Variants in CIBAR1 observed in about 807,000 individuals in gnomAD.
CIBAR1 encodes CBY1-interacting BAR domain-containing protein 1.
A neutral mutation model predicts 44.0 loss-of-function variants in CIBAR1; 25 were observed. The ratio of observed to expected loss-of-function variants is 0.57; its 90% confidence interval spans 0.41 to 0.79. The LOEUF is 0.79. Among genes scored for constraint, CIBAR1 ranks in the 30% least tolerant of loss-of-function variants. The pLI is 0.00. For missense variants in CIBAR1, 278 were observed against 344.8 expected (o/e 0.81, Z 1.53); for synonymous variants, 115 against 119.0 (o/e 0.97, Z 0.22).
chr8:93,719,244 T>C (rs892484170), intron 7 of CIBAR1, among the ~76,000 whole-genome samples: 2 of 152,246 alleles, frequency 1.3e-5, no homozygotes, highest in Non-Finnish European at 2.9e-5. Context: ...ATTTTCCATT[T>C]ATTTTCAATT....
chr8:93,708,504 A>G (rs1002321592), intron 5 of CIBAR1, among the ~76,000 whole-genome samples: 3 of 152,220 alleles, frequency 2.0e-5, no homozygotes, highest in Admixed American at 2.0e-4. Context: ...AAATAGCCCC[A>G]TATGGCTAGT....
chr8:93,724,589 G>A, intron 7 of CIBAR1: 3 of 1,271,022 alleles, frequency 2.4e-6, no homozygotes, highest in Non-Finnish European at 3.1e-6. Context: ...GCCTCCCAAA[G>A]TGTCAGGTGA....
rs970331050 is a variant in CIBAR1, at chr8:93,724,642, G to A, written c.658-1752G>A. On this transcript the variant is annotated intron_variant, in intron 7 of 8. Transcript: ENST00000518322. Reference sequence around the variant, plus strand: ...CCCAGGCTTATAGTTTGGTCTTCTAGGTAAAAGATAATGTCTTTCATTGTA... The same window carrying A: ...CCCAGGCTTATAGTTTGGTCTTCTAAGTAAAAGATAATGTCTTTCATTGTA... The A allele has an allele frequency of 6.7e-6, 8 of 1,193,120 alleles. No individual in the cohort carries two copies. In the East Asian group the frequency reaches 4.8e-4, roughly 72 times the overall value. 73.9% of individuals were successfully genotyped at this position (1,193,120 alleles called of 1,614,324 possible).
In CIBAR1 at chr8:93,730,972, G is replaced by T. The variant is rs1293554209; in HGVS notation, c.*2675G>T. 1 of 152,168 alleles carries T rather than the reference G, an allele frequency of 6.6e-6. No individual in the cohort carries two copies. The highest frequency in any genetic ancestry group is 1.5e-5 in the Non-Finnish European group (1 of 68,072). 9.4% of individuals were successfully genotyped at this position (152,168 alleles called of 1,614,324 possible). A position where few individuals can be genotyped will look rare whatever the true frequency, so the allele number is the denominator to read the frequency against. On this transcript the variant is annotated 3_prime_UTR_variant, in exon 9 of 9. Coordinates refer to ENST00000518322, the MANE Select transcript of CIBAR1 (RefSeq NM_145269.5). ...GGCCAGAAATTTGAGAACAGCCTGG[G>T]CAACACAGTGAGACTCTGTCTCTAC...
intron 6 of CIBAR1, among the ~76,000 whole-genome samples, chr8:93,710,836 C>CAAAA (rs35465241): frequency 8.3e-6 from 1 of 120,594 alleles, no homozygotes; most frequent in Admixed American, 8.8e-5. Context: ...GACTCTGACT[C>CAAAA]AAAAAAAAAA....
At chr8:93,702,478 A>G (rs1181863930) in intron 2 of CIBAR1, 3 of 454,264 alleles carry the variant, frequency 6.6e-6, no homozygotes, top group Non-Finnish European at 1.3e-5. Flanking sequence ...ATTGATTTGC[A>G]TTTGTTCTCC....
At position 93,731,365 on chromosome 8, in the gene CIBAR1, C is replaced by G. The variant is rs35309343; in HGVS notation, c.*3068C>G. ...CAAAATGGGTGACCAAATGAACCAT[C>G]TATACAATCTTTGCTCAATTAAAAA... On this transcript the variant is annotated 3_prime_UTR_variant, in exon 9 of 9. Coordinates refer to ENST00000518322, the MANE Select transcript of CIBAR1 (RefSeq NM_145269.5). The G allele has an allele frequency of 6.6e-6, 1 of 152,168 alleles. No individual in the cohort carries two copies. Among genetic ancestry groups the G allele is most frequent in the Admixed American group, 6.5e-5 (1 of 15,282 alleles). 9.4% of individuals were successfully genotyped at this position (152,168 alleles called of 1,614,324 possible). A position where few individuals can be genotyped will look rare whatever the true frequency, so the allele number is the denominator to read the frequency against.
chr8:93,703,070 A>G (rs1418678730), intron 2 of CIBAR1, among the ~76,000 whole-genome samples: 1 of 152,214 alleles, frequency 6.6e-6, no homozygotes, highest in African/African-American at 2.4e-5. Flanking sequence ...TGAAACATAC[A>G]GTTTGACAGC....
At chr8:93,707,924 G>A (rs1421519487) in intron 4 of CIBAR1, 87 bp from the exon 5 acceptor site, 6 of 811,776 alleles carry the variant, frequency 7.4e-6, no homozygotes, top group Middle Eastern at 3.1e-4. Flanking sequence ...AATTGTAAGT[G>A]TATATAATTC....
In CIBAR1 at chr8:93,700,623, G is replaced by C. The variant is rs938456923; in HGVS notation, c.-25G>C. 6 of 1,483,518 alleles carry C rather than the reference G, an allele frequency of 4.0e-6. No homozygotes were observed. In the African/African-American group the frequency reaches 8.8e-5, roughly 22 times the overall value. The allele number at this position is 1,483,518 out of a possible 1,614,324, so 91.9% of individuals were successfully genotyped here. A position where few individuals can be genotyped will look rare whatever the true frequency, so the allele number is the denominator to read the frequency against. On this transcript the variant is annotated 5_prime_UTR_variant, in exon 1 of 9. Coordinates refer to ENST00000518322, the MANE Select transcript of CIBAR1 (RefSeq NM_145269.5). ...AATCCCCGTCCTTGGGCCCCCGCAA[G>C]GTCCCCGGCCGTGCGCGAGGCAGCA...
chr8:93,704,882 T>G (rs1245544615), intron 3 of CIBAR1, 27 bp from the exon 4 acceptor site: 1 of 1,464,742 alleles, frequency 6.8e-7, no homozygotes. Flanking sequence ...CAGACATTTT[T>G]ACTAACAAAA....
chr8:93,727,224 T>C (rs768040534), intron 8 of CIBAR1: 16 of 1,269,070 alleles, frequency 1.3e-5, no homozygotes, highest in Non-Finnish European at 1.6e-5. Flanking sequence ...AACAAACTTA[T>C]TTTCAAGATA....
Position 93,718,659 on chromosome 8 carries a change from C to G in CIBAR1, c.544-16C>G. On this transcript the variant is annotated splice_polypyrimidine_tract_variant and intron_variant, in intron 6 of 8. Transcript: ENST00000518322. ...TTTAAATCATTGTTTAAATTCAATT[C>G]TTTGGTTTTTTTTAGACTATATTTT... 2 of 1,383,260 alleles carry G rather than the reference C, an allele frequency of 1.4e-6. No homozygotes were observed. Among genetic ancestry groups the G allele is most frequent in the Non-Finnish European group, 2.0e-6 (2 of 1,009,580 alleles). The allele number at this position is 1,383,260 out of a possible 1,614,324, so 85.7% of individuals were successfully genotyped here.
At chr8:93,725,928 G>A (rs1214510923) in intron 7 of CIBAR1, 1 of 156,318 alleles carries the variant, frequency 6.4e-6, no homozygotes. Context: ...GAACTGACAA[G>A]TCATGGCATT....
chr8:93,722,655 T>C lies in CIBAR1; in HGVS notation c.658-3739T>C, dbSNP rs905190473. On this transcript the variant is annotated intron_variant, in intron 7 of 8. Coordinates refer to ENST00000518322, the MANE Select transcript of CIBAR1 (RefSeq NM_145269.5). Reference sequence around the variant, plus strand: ...CAGAGGTTGCAGTGAGCTGAGAGTGTGCCAATTGCACTCCAGCCTGGGTGA... The same window carrying C: ...CAGAGGTTGCAGTGAGCTGAGAGTGCGCCAATTGCACTCCAGCCTGGGTGA... 3.3e-5 allele frequency among the ~76,000 whole-genome samples: 5 copies of C among 151,938 alleles called. No homozygotes were observed. The South Asian group carries it at 1.0e-3, about 32-fold the overall frequency.
At position 93,730,823 on chromosome 8, in the gene CIBAR1, A is replaced by G. The variant is rs1224919954; in HGVS notation, c.*2526A>G. 1 of 152,184 alleles carries G rather than the reference A, an allele frequency of 6.6e-6. No homozygotes were observed. Among genetic ancestry groups the G allele is most frequent in the Non-Finnish European group, 1.5e-5 (1 of 68,032 alleles). The allele number at this position is 152,184 out of a possible 1,614,324, so 9.4% of individuals were successfully genotyped here. A position where few individuals can be genotyped will look rare whatever the true frequency, so the allele number is the denominator to read the frequency against. On this transcript the variant is annotated 3_prime_UTR_variant, in exon 9 of 9. Transcript: ENST00000518322. ...GTTTAAAAATATTAAGCCCTGATAC[A>G]TTATAGGGTAAAAGGAAATATTCAT...
chr8:93,728,332 A>C lies in CIBAR1; in HGVS notation c.*35A>C. ...TTCCATTTTCATCATAAATGACTTG[A>C]AATCCACAATGACTAAATTGTAGAA... On this transcript the variant is annotated 3_prime_UTR_variant, in exon 9 of 9. Transcript: ENST00000518322. The C allele has an allele frequency of 7.3e-7, 1 of 1,368,950 alleles. No individual in the cohort carries two copies. Among genetic ancestry groups the C allele is most frequent in the Non-Finnish European group, 1.0e-6 (1 of 979,734 alleles). The allele number at this position is 1,368,950 out of a possible 1,614,324, so 84.8% of individuals were successfully genotyped here.
intron 7 of CIBAR1, among the ~76,000 whole-genome samples, chr8:93,725,390 A>T (rs904396916): frequency 6.6e-6 from 1 of 152,192 alleles, no homozygotes; most frequent in Non-Finnish European, 1.5e-5. Flanking sequence ...CAGGACAATG[A>T]AAGAGTTTAG....
At chr8:93,720,301 A>C (rs1811213768) in intron 7 of CIBAR1, among the ~76,000 whole-genome samples, 1 of 151,924 alleles carries the variant, frequency 6.6e-6, no homozygotes, top group Non-Finnish European at 1.5e-5. Context: ...TTGTATCTTA[A>C]CTATCAGTAA....
Sources: allele counts gnomAD v4.1 joint callset (sites outside exome capture counted in the v4.1 genomes callset), GRCh38; gene constraint gnomAD v4.1.1; transcripts MANE v1.5; gene names NCBI Gene and HGNC (gene_info 2026-07-23, HGNC 2026-07-21).